Variants in FAM83B observed in about 807,000 individuals in gnomAD.
The protein encoded by FAM83B is protein FAM83B.
Under a neutral mutation model 38.8 loss-of-function variants are expected in FAM83B, and 26 were observed. The observed-to-expected ratio is 0.67, with a 90% CI of 0.49 to 0.93. The LOEUF is 0.93. Among genes scored for constraint, FAM83B ranks in the 40% least tolerant of loss-of-function variants. The probability of loss-of-function intolerance (pLI) is 0.00; values close to 1 mark genes in which losing one functional copy is unlikely to be tolerated. For synonymous variants in FAM83B, 419 were observed against 423.1 expected, an observed-to-expected ratio of 0.99 and a Z score of 0.12; for missense variants, 1,237 against 1,197.3, an observed-to-expected ratio of 1.03 and a Z score of -0.49.
Position 54,943,471 on chromosome 6 carries a change from T to G in FAM83B, c.*1464T>G, listed in dbSNP as rs941469586. On this transcript the variant is annotated 3_prime_UTR_variant, in exon 5 of 5. Transcript: ENST00000306858. ...ACATCACTTTAAATATATTACTTAA[T>G]ATATTCTAAGTTGCTGTGTGGAGCA... 10 of 152,284 alleles carry G rather than the reference T, an allele frequency of 6.6e-5. No individual in the cohort carries two copies. The highest frequency in any genetic ancestry group is 2.4e-4 in the African/African-American group (10 of 41,576). The allele number at this position is 152,284 out of a possible 1,614,324, so 9.4% of individuals were successfully genotyped here.
intron 4 of FAM83B, 40 bp downstream of exon 4, chr6:54,927,672 T>G: frequency 7.1e-7 from 1 of 1,412,052 alleles, no homozygotes; most frequent in Middle Eastern, 1.9e-4. Flanking sequence ...ATCAATCGTT[T>G]TGATGATTTA....
In FAM83B at chr6:54,941,692, C is replaced by T. The variant is rs767280028; in HGVS notation, c.2721C>T (p.Thr907=). The T allele has an allele frequency of 1.2e-6, 2 of 1,614,026 alleles. No homozygotes were observed. The highest frequency in any genetic ancestry group is 1.7e-6 in the Non-Finnish European group (2 of 1,179,984). The change falls in exon 5 of 5, where the codon ACC becomes ACT. Residue 907 remains threonine, a synonymous_variant. Coordinates refer to ENST00000306858, the MANE Select transcript of FAM83B (RefSeq NM_001010872.3). ...RDSREINAVV[T]PERRPTSSPR... ...CAAGGGAGATTAATGCAGTTGTTAC[C>T]CCTGAAAGAAGACCTACTTCTTCTC... is the stretch of plus-strand genomic sequence containing the variant.
chr6:54,887,831 T>C (rs1253381179), intron 2 of FAM83B, among the ~76,000 whole-genome samples: 1 of 151,866 alleles, frequency 6.6e-6, no homozygotes, highest in Non-Finnish European at 1.5e-5. Context: ...GTATGCTATA[T>C]ATTTTCATCC....
Position 54,870,481 on chromosome 6 carries a change from A to G in FAM83B, c.235A>G (p.Thr79Ala). 6.2e-7 allele frequency: 1 copy of G among 1,614,054 alleles called. No homozygotes were observed. Among genetic ancestry groups the G allele is most frequent in the Non-Finnish European group, 8.5e-7 (1 of 1,179,958 alleles). The change falls in exon 2 of 5, where the codon ACT (threonine) becomes GCT (alanine). Residue 79 changes from threonine (T) to alanine (A), a missense_variant. By Grantham distance (58) the Thr-to-Ala change is moderately conservative. Transcript: ENST00000306858. ...QKVAQSTAHG[T>A]DDSCDDTLSS... ...AGTTGCACAAAGCACAGCACATGGT[A>G]CTGATGATTCCTGTGATGATACCTT...
Position 54,870,408 on chromosome 6 carries a change from C to A in FAM83B, c.162C>A (p.Asp54Glu). The change falls in exon 2 of 5, where the codon GAC (aspartate) becomes GAA (glutamate). Residue 54 changes from aspartate (D) to glutamate (E), a missense_variant. Physicochemically the swap from Asp to Glu is conservative, Grantham distance 45. Coordinates refer to ENST00000306858, the MANE Select transcript of FAM83B (RefSeq NM_001010872.3). ...QEFLVQERVSDFLAEEEINYI... is the reference protein window; with the variant it reads ...QEFLVQERVSEFLAEEEINYI... The stretch of plus-strand genomic sequence containing the variant: ...TTCTTGTCCAGGAACGAGTTTCAGA[C>A]TTTCTTGCTGAGGAAGAAATTAATT... The A allele has an allele frequency of 6.2e-7, 1 of 1,614,028 alleles. No individual in the cohort carries two copies. The highest frequency in any genetic ancestry group is 8.5e-7 in the Non-Finnish European group (1 of 1,179,962).
chr6:54,857,462 G>T (rs1455041316), intron 1 of FAM83B, among the ~76,000 whole-genome samples: 1 of 152,202 alleles, frequency 6.6e-6, no homozygotes, highest in Non-Finnish European at 1.5e-5. Context: ...GGTGTTCAGG[G>T]AATTATGTAT....
chr6:54,888,448 C>T (rs1179602371), intron 2 of FAM83B, among the ~76,000 whole-genome samples: 2 of 151,834 alleles, frequency 1.3e-5, no homozygotes, highest in Admixed American at 6.6e-5. Context: ...GGCAATGAAT[C>T]CTCTTGGAAC....
chr6:54,884,408 G>C (rs1362722541), intron 2 of FAM83B, among the ~76,000 whole-genome samples: 1 of 150,924 alleles, frequency 6.6e-6, no homozygotes, highest in African/African-American at 2.4e-5. Flanking sequence ...CTTGAACCTG[G>C]GGGGCGGAGG....
At chr6:54,866,820 A>G (rs1203139731) in intron 1 of FAM83B, among the ~76,000 whole-genome samples, 1 of 152,140 alleles carries the variant, frequency 6.6e-6, no homozygotes, top group African/African-American at 2.4e-5. Context: ...TGCATGTGTC[A>G]TTTTATAAAT....
chr6:54,912,041 T>C (rs982495810), intron 2 of FAM83B, among the ~76,000 whole-genome samples: 2 of 152,024 alleles, frequency 1.3e-5, no homozygotes, highest in East Asian at 1.9e-4. Context: ...TGTCTCATTT[T>C]CTTCTTCTTC....
At chr6:54,914,520 C>T (rs1772990586) in intron 2 of FAM83B, among the ~76,000 whole-genome samples, 1 of 152,080 alleles carries the variant, frequency 6.6e-6, no homozygotes, top group African/African-American at 2.4e-5. Flanking sequence ...TGTGTCAGAA[C>T]CCATCTCTCT....
At chr6:54,869,454 C>A (rs920482174) in intron 1 of FAM83B, among the ~76,000 whole-genome samples, 2 of 152,114 alleles carry the variant, frequency 1.3e-5, no homozygotes, top group Non-Finnish European at 2.9e-5. Context: ...TAAAAGGAAC[C>A]TGTTTTCCAG....
chr6:54,942,021 A>G lies in FAM83B; in HGVS notation c.*14A>G, dbSNP rs758116941. 25 of 1,579,940 alleles carry G rather than the reference A, an allele frequency of 1.6e-5. No homozygotes were observed. Among genetic ancestry groups the G allele is most frequent in the South Asian group, 4.7e-5 (4 of 84,836 alleles). On this transcript the variant is annotated 3_prime_UTR_variant, in exon 5 of 5. Transcript: ENST00000306858. ...AAAAATAAATAGCTATTAAAATGCAAAATGAATGAGGCTATCAATATTTGT... is the reference window on the plus strand; with the variant it reads ...AAAAATAAATAGCTATTAAAATGCAGAATGAATGAGGCTATCAATATTTGT...
In FAM83B at chr6:54,940,144, G is replaced by A. The variant is rs114519346; in HGVS notation, c.1173G>A (p.Gly391=). 1.0e-3 allele frequency: 1,623 copies of A among 1,614,014 alleles called. 12 individuals carry two copies. The African/African-American group carries it at 0.02, about 20-fold the overall frequency. Residue 391 remains glycine (G), a synonymous_variant, in exon 5 of 5, where the codon GGG becomes GGA. Transcript: ENST00000306858. ...ATTGGAAAAGGCATAGTTATGCTGG[G>A]GAACAGCCAGAAACAGTGCCATACC... ...NENWKRHSYA[G]EQPETVPYLL...
At chr6:54,889,187 A>G (rs1433304695) in intron 2 of FAM83B, among the ~76,000 whole-genome samples, 1 of 152,040 alleles carries the variant, frequency 6.6e-6, no homozygotes, top group Non-Finnish European at 1.5e-5. Context: ...GTTGTGTCAC[A>G]GTCTGTTTTT....
At chr6:54,879,932 T>C (rs1772087511) in intron 2 of FAM83B, among the ~76,000 whole-genome samples, 1 of 152,226 alleles carries the variant, frequency 6.6e-6, no homozygotes, top group Non-Finnish European at 1.5e-5. Flanking sequence ...AATTTCCTAC[T>C]AGAATAGAAT....
intron 2 of FAM83B, among the ~76,000 whole-genome samples, chr6:54,885,827 G>A (rs1232873573): frequency 1.4e-5 from 2 of 146,480 alleles, no homozygotes; most frequent in South Asian, 4.6e-4. Context: ...TGGGACAGGG[G>A]GAGGGGGGAG....
chr6:54,846,387 G>C (rs545135747), upstream of FAM83B, among the ~76,000 whole-genome samples: 1 of 152,306 alleles, frequency 6.6e-6, no homozygotes, highest in South Asian at 2.1e-4. Flanking sequence ...GCTCGGCCTA[G>C]ATCCGCCTTC....
chr6:54,874,192 A>G (rs544929843), intron 2 of FAM83B, among the ~76,000 whole-genome samples: 7 of 152,168 alleles, frequency 4.6e-5, no homozygotes, highest in South Asian at 2.1e-4. Flanking sequence ...TCAAAAATCT[A>G]TACTTTTTTA....
Sources: allele counts gnomAD v4.1 joint callset (sites outside exome capture counted in the v4.1 genomes callset), GRCh38; gene constraint gnomAD v4.1.1; transcripts MANE v1.5; gene names NCBI Gene and HGNC (gene_info 2026-07-23, HGNC 2026-07-21).